Variants in HAO1 observed in about 807,000 individuals in gnomAD.
HAO1 encodes hydroxyacid oxidase 1.
A neutral mutation model predicts 39.7 loss-of-function variants in HAO1; 34 were observed. That is an observed-to-expected ratio of 0.86 (90% CI 0.65 to 1.14). The LOEUF is 1.14. Ranked by LOEUF, HAO1 falls within the 50% of genes most tolerant of loss-of-function variation. HAO1 has a pLI of 0.00. For missense variants in HAO1, 479 were observed against 464.5 expected, an observed-to-expected ratio of 1.03 and a Z score of -0.29; for synonymous variants, 172 against 173.2, an observed-to-expected ratio of 0.99 and a Z score of 0.05.
At chr20:7,911,853 G>A (rs2050281358) in intron 3 of HAO1, among the ~76,000 whole-genome samples, 1 of 152,236 alleles carries the variant, frequency 6.6e-6, no homozygotes, top group African/African-American at 2.4e-5. Flanking sequence ...GAAAGAAACC[G>A]ATTTCATATC....
At chr20:7,917,706 G>C (rs1188731123) in intron 2 of HAO1, among the ~76,000 whole-genome samples, 3 of 152,100 alleles carry the variant, frequency 2.0e-5, no homozygotes, top group African/African-American at 7.2e-5. Flanking sequence ...TGTTTTTGTA[G>C]TTAATACAAA....
intron 2 of HAO1, among the ~76,000 whole-genome samples, chr20:7,923,010 T>A (rs905563300): frequency 6.6e-6 from 1 of 152,062 alleles, no homozygotes; most frequent in Non-Finnish European, 1.5e-5. Flanking sequence ...AAATCACATG[T>A]CCTAGGGTGG....
chr20:7,934,505 C>T lies in HAO1; in HGVS notation c.268G>A (p.Gly90Ser), dbSNP rs746154151. 8.4e-5 allele frequency: 136 copies of T among 1,611,258 alleles called. No homozygotes were observed. The highest frequency in any genetic ancestry group is 1.3e-4 in the African/African-American group (10 of 74,668). The change falls in exon 2 of 8, where the codon GGC (glycine) becomes AGC (serine). Residue 90 changes from glycine (G) to serine (S), a missense_variant. Physicochemically the swap from Gly to Ser is moderately conservative, Grantham distance 56. Coordinates refer to ENST00000378789, the MANE Select transcript of HAO1 (RefSeq NM_017545.3). ...TAMQRMAHVD[G>S]ELATVRACQS... The stretch of plus-strand genomic sequence containing the variant: ...CTACCTCTCACAGTGGCAAGCTCGC[C>T]GTCCACATGAGCCATGCGCTGCATG...
chr20:7,903,770 T>A lies in HAO1; in HGVS notation c.721+2384A>T, dbSNP rs537097176. On this transcript the variant is annotated intron_variant, in intron 4 of 7. Coordinates refer to ENST00000378789, the MANE Select transcript of HAO1 (RefSeq NM_017545.3). ...GTCATGGTGGTAATGGGAGTGGTGA[T>A]AATGGTGATGGGAGTGGTGATGGTG... 3.7e-4 allele frequency among the ~76,000 whole-genome samples: 55 copies of A among 149,716 alleles called. No individual in the cohort carries two copies. In the Middle Eastern group the frequency reaches 0.01, roughly 28 times the overall value.
At chr20:7,912,262 G>A (rs765080033) in intron 3 of HAO1, among the ~76,000 whole-genome samples, 4 of 152,148 alleles carry the variant, frequency 2.6e-5, no homozygotes, top group Non-Finnish European at 5.9e-5. Context: ...CAACCTTCCT[G>A]CCACTCACTG....
At chr20:7,913,076 A>G (rs2050287652) in intron 3 of HAO1, among the ~76,000 whole-genome samples, 1 of 151,658 alleles carries the variant, frequency 6.6e-6, no homozygotes, top group Non-Finnish European at 1.5e-5. Context: ...GGATCTTTTC[A>G]TTTTTTAATA....
At chr20:7,891,565 C>T (rs2050174317) in intron 5 of HAO1, among the ~76,000 whole-genome samples, 1 of 152,106 alleles carries the variant, frequency 6.6e-6, no homozygotes, top group Non-Finnish European at 1.5e-5. Context: ...AGCTATTTCT[C>T]TTTGTTTCTA....
At chr20:7,908,375 C>CA (rs1212557978) in intron 3 of HAO1, among the ~76,000 whole-genome samples, 2 of 147,354 alleles carry the variant, frequency 1.4e-5, no homozygotes, top group African/African-American at 5.0e-5. Context: ...GGTGACAGAG[C>CA]AAGACTCTGT....
At chr20:7,918,828 C>G (rs1204415137) in intron 2 of HAO1, among the ~76,000 whole-genome samples, 1 of 152,180 alleles carries the variant, frequency 6.6e-6, no homozygotes, top group African/African-American at 2.4e-5. Flanking sequence ...TCAAAAAGTT[C>G]TGACTATCGT....
At chr20:7,884,896 G>A (rs2050143833) in intron 7 of HAO1, among the ~76,000 whole-genome samples, 1 of 152,196 alleles carries the variant, frequency 6.6e-6, no homozygotes, top group African/African-American at 2.4e-5. Context: ...GGGGAGATAG[G>A]TGAGAATAGA....
intron 3 of HAO1, among the ~76,000 whole-genome samples, chr20:7,908,082 T>C (rs1386157004): frequency 6.6e-6 from 1 of 152,136 alleles, no homozygotes; most frequent in African/African-American, 2.4e-5. Flanking sequence ...GAGAAGATCA[T>C]GGAGCCATAT....
chr20:7,927,550 C>T (rs1237913899), intron 2 of HAO1, among the ~76,000 whole-genome samples: 1 of 151,568 alleles, frequency 6.6e-6, no homozygotes, highest in Non-Finnish European at 1.5e-5. Flanking sequence ...AAAAACTGCC[C>T]TCCATTCAGT....
At chr20:7,921,954 C>T (rs980386196) in intron 2 of HAO1, among the ~76,000 whole-genome samples, 2 of 151,838 alleles carry the variant, frequency 1.3e-5, no homozygotes, top group Non-Finnish European at 2.9e-5. Context: ...GGGAATACAA[C>T]AGTGGGGTTG....
chr20:7,901,565 C>T (rs767027143), intron 4 of HAO1, among the ~76,000 whole-genome samples: 2 of 152,176 alleles, frequency 1.3e-5, no homozygotes, highest in Admixed American at 6.5e-5. Flanking sequence ...TATCACTGCT[C>T]ATTGACAGTG....
intron 1 of HAO1, among the ~76,000 whole-genome samples, chr20:7,936,008 A>G (rs563728287): frequency 6.6e-6 from 1 of 152,202 alleles, no homozygotes; most frequent in South Asian, 2.1e-4. Flanking sequence ...AACTTAAAGA[A>G]AAAAAAAGAA....
intron 4 of HAO1, among the ~76,000 whole-genome samples, chr20:7,902,841 C>G (rs2050226916): frequency 6.6e-6 from 1 of 152,208 alleles, no homozygotes; most frequent in South Asian, 2.1e-4. Flanking sequence ...TTGAAGTTCT[C>G]TAAGGGCAGT....
intron 4 of HAO1, among the ~76,000 whole-genome samples, chr20:7,902,572 G>T (rs965071527): frequency 6.6e-6 from 1 of 152,150 alleles, no homozygotes; most frequent in South Asian, 2.1e-4. Flanking sequence ...AAAATTATGT[G>T]ACTTGCTTTA....
Position 7,883,360 on chromosome 20 carries a change from C to T in HAO1, c.*233G>A. 2 of 533,776 alleles carry T rather than the reference C, an allele frequency of 3.7e-6. No individual in the cohort carries two copies. Among genetic ancestry groups the T allele is most frequent in the Non-Finnish European group, 6.7e-6 (2 of 297,392 alleles). The allele number at this position is 533,776 out of a possible 1,614,324, so 33.1% of individuals were successfully genotyped here. On this transcript the variant is annotated 3_prime_UTR_variant, in exon 8 of 8. Transcript: ENST00000378789. Reference sequence around the variant, plus strand: ...CACATTTTCAATGTTTTCTTTTTAACAGTTAATATATTTCCAGGATGAAAG... The same window carrying T: ...CACATTTTCAATGTTTTCTTTTTAATAGTTAATATATTTCCAGGATGAAAG...
chr20:7,885,719 C>A lies in HAO1; in HGVS notation c.959G>T (p.Gly320Val), dbSNP rs149275477. 3 of 1,612,898 alleles carry A rather than the reference C, an allele frequency of 1.9e-6. No individual in the cohort carries two copies. In the Admixed American group the frequency reaches 5.0e-5, roughly 27 times the overall value. Reference protein sequence around the residue: ...AVFVGRPIVWGLAFQGEKGVQ... With the variant: ...AVFVGRPIVWVLAFQGEKGVQ... The stretch of plus-strand genomic sequence containing the variant: ...TTGTCCAGTTACCTGGAAAGCTAAG[C>A]CCCAAACGATTGGTCTCCCCACAAA... The change falls in exon 6 of 8, where the codon GGC becomes GTC. Residue 320 changes from glycine (G) to valine (V), a missense_variant. By Grantham distance (109) the Gly-to-Val change is moderately radical. Coordinates refer to ENST00000378789, the MANE Select transcript of HAO1 (RefSeq NM_017545.3).
Sources: gnomAD v4.1 joint callset for allele counts (sites outside exome capture counted in the v4.1 genomes callset) on GRCh38, gnomAD v4.1.1 for gene constraint, MANE v1.5 for transcripts, NCBI Gene and HGNC (gene_info 2026-07-23, HGNC 2026-07-21) for gene names.